CTNNA3: variants seen among roughly 807,000 people sequenced by gnomAD.
The protein encoded by CTNNA3 is catenin alpha 3, also known as catenin alpha-3.
Under a neutral mutation model 95.7 loss-of-function variants are expected in CTNNA3, and 76 were observed. The ratio of observed to expected loss-of-function variants is 0.79; its 90% CI spans 0.66 to 0.96. The LOEUF is 0.96. Ranked by LOEUF, CTNNA3 falls within the 40% of genes least tolerant of loss-of-function variation. The pLI, the probability that CTNNA3 is intolerant of heterozygous loss-of-function variation, is 0.00. For missense variants in CTNNA3, 1,191 were observed against 1,089.8 expected (o/e 1.09, Z -1.31); for synonymous variants, 431 against 374.4 (o/e 1.15, Z -1.74).
rs1855009379 is a variant in CTNNA3, at chr10:67,050,374, T to A, written c.1047+129943A>T. Reference sequence around the variant, plus strand: ...TGAATTTTATAGAGAGGAAAATATATCTTTAGCTAAGGTGATGTAATTTGA... The same window carrying A: ...TGAATTTTATAGAGAGGAAAATATAACTTTAGCTAAGGTGATGTAATTTGA... On this transcript the variant is annotated intron_variant, in intron 7 of 17. Coordinates refer to ENST00000433211, the MANE Select transcript of CTNNA3 (RefSeq NM_013266.4). Among the ~76,000 whole-genome samples, 3 of 152,196 alleles carry A rather than the reference T, an allele frequency of 2.0e-5. No individual in the cohort carries two copies. In the South Asian group the frequency reaches 6.2e-4, roughly 32 times the overall value.
At chr10:66,418,091 T>A (rs2093161191) in intron 11 of CTNNA3, among the ~76,000 whole-genome samples, 2 of 138,794 alleles carry the variant, frequency 1.4e-5, no homozygotes, top group Admixed American at 7.2e-5. Flanking sequence ...TTTTTGAAAG[T>A]ATAAACAAAA....
chr10:67,361,088 A>G (rs2132670358), intron 5 of CTNNA3, among the ~76,000 whole-genome samples: 1 of 152,290 alleles, frequency 6.6e-6, no homozygotes, highest in Middle Eastern at 3.4e-3. Context: ...AACTATCTAA[A>G]ATATCTCTGC....
intron 5 of CTNNA3, among the ~76,000 whole-genome samples, chr10:67,288,881 A>G: frequency 6.6e-6 from 1 of 152,146 alleles, no homozygotes; most frequent in East Asian, 1.9e-4. Flanking sequence ...GGAGGATTGC[A>G]TGAACCCAGG....
At chr10:66,677,025 A>C (rs1443051303) in intron 9 of CTNNA3, among the ~76,000 whole-genome samples, 1 of 152,140 alleles carries the variant, frequency 6.6e-6, no homozygotes, top group Non-Finnish European at 1.5e-5. Flanking sequence ...TGGAAGTAGG[A>C]AGAAATACAT....
At chr10:66,427,987 T>A (rs2093257865) in intron 11 of CTNNA3, among the ~76,000 whole-genome samples, 1 of 152,046 alleles carries the variant, frequency 6.6e-6, no homozygotes. Context: ...GACCCATCAG[T>A]GTGCTGTATT....
chr10:66,916,276 T>C (rs1399877677), intron 7 of CTNNA3, among the ~76,000 whole-genome samples: 2 of 152,328 alleles, frequency 1.3e-5, no homozygotes, highest in East Asian at 1.9e-4. Flanking sequence ...TTTAATACTG[T>C]AATAATAACA....
At chr10:66,687,927 A>G (rs1847362308) in intron 9 of CTNNA3, among the ~76,000 whole-genome samples, 1 of 152,132 alleles carries the variant, frequency 6.6e-6, no homozygotes, top group South Asian at 2.1e-4. Context: ...TTGTAGGATA[A>G]CTTACTTAAT....
intron 1 of CTNNA3, among the ~76,000 whole-genome samples, chr10:67,690,559 C>T (rs2133586546): frequency 6.6e-6 from 1 of 152,234 alleles, no homozygotes; most frequent in African/African-American, 2.4e-5. Flanking sequence ...TAGCTAGACA[C>T]AGAGCGCTGA....
chr10:67,260,674 TG>T (rs1437106501), intron 5 of CTNNA3, among the ~76,000 whole-genome samples: 2 of 131,910 alleles, frequency 1.5e-5, no homozygotes, highest in Non-Finnish European at 1.5e-5. Context: ...TGTTTTGTTT[TG>T]TTTTTTTGTT....
chr10:66,902,640 C>A (rs1845802955), intron 7 of CTNNA3, among the ~76,000 whole-genome samples: 1 of 151,812 alleles, frequency 6.6e-6, no homozygotes. Flanking sequence ...ACTAGCAAGA[C>A]AAATAAAGAA....
intron 7 of CTNNA3, among the ~76,000 whole-genome samples, chr10:66,963,040 A>G (rs572255083): frequency 3.9e-5 from 6 of 152,292 alleles, no homozygotes; most frequent in Non-Finnish European, 7.4e-5. Flanking sequence ...ACATTTATCC[A>G]TTGCAGTAAG....
intron 11 of CTNNA3, among the ~76,000 whole-genome samples, chr10:66,510,561 T>TATGC (rs962747255): frequency 2.0e-5 from 3 of 151,802 alleles, no homozygotes; most frequent in Non-Finnish European, 3.0e-5. Context: ...TGTGTTGAGG[T>TATGC]ATATTCCCTC....
At chr10:66,597,662 A>T (rs1843770887) in intron 10 of CTNNA3, among the ~76,000 whole-genome samples, 1 of 150,618 alleles carries the variant, frequency 6.6e-6, no homozygotes, top group South Asian at 2.1e-4. Flanking sequence ...AACCCTCATG[A>T]GATTATCAGT....
chr10:67,611,567 C>T (rs1157629047), intron 2 of CTNNA3, among the ~76,000 whole-genome samples: 4 of 152,332 alleles, frequency 2.6e-5, no homozygotes, highest in South Asian at 2.1e-4. Context: ...CCGCCCGCCT[C>T]AGCCTCCCAA....
At chr10:66,898,258 T>A (rs981379232) in intron 7 of CTNNA3, among the ~76,000 whole-genome samples, 6 of 152,192 alleles carry the variant, frequency 3.9e-5, no homozygotes, top group Non-Finnish European at 1.5e-5. Context: ...GCCTTCTCTG[T>A]ACAAAATGTG....
intron 5 of CTNNA3, among the ~76,000 whole-genome samples, chr10:67,298,319 G>A (rs1285751841): frequency 2.6e-5 from 4 of 152,178 alleles, no homozygotes; most frequent in Admixed American, 1.3e-4. Context: ...TTCAAAATCC[G>A]AAGTGTCTCA....
intron 5 of CTNNA3, among the ~76,000 whole-genome samples, chr10:67,300,805 G>T (rs1840235110): frequency 6.6e-6 from 1 of 152,150 alleles, no homozygotes; most frequent in South Asian, 2.1e-4. Flanking sequence ...CTCTTTCAGT[G>T]TATAAACTGT....
At chr10:67,339,148 C>T (rs1218901118) in intron 5 of CTNNA3, among the ~76,000 whole-genome samples, 1 of 152,154 alleles carries the variant, frequency 6.6e-6, no homozygotes, top group Non-Finnish European at 1.5e-5. Flanking sequence ...TTTACATGGC[C>T]ATGGTGGGCT....
intron 3 of CTNNA3, among the ~76,000 whole-genome samples, chr10:67,604,590 A>C (rs555486059): frequency 6.6e-6 from 1 of 152,226 alleles, no homozygotes; most frequent in Non-Finnish European, 1.5e-5. Flanking sequence ...TCTGAGAGAC[A>C]ACAAGGAGAA....
Sources: allele counts gnomAD v4.1 joint callset (sites outside exome capture counted in the v4.1 genomes callset), GRCh38; gene constraint gnomAD v4.1.1; transcripts MANE v1.5; gene names NCBI Gene and HGNC (gene_info 2026-07-23, HGNC 2026-07-21).